CDC42SE2: variants seen among roughly 807,000 people sequenced by gnomAD.
CDC42SE2 encodes the protein CDC42 small effector protein 2.
In CDC42SE2, 3 loss-of-function variants were observed where a neutral mutation model predicts 11.5. The observed-to-expected ratio is 0.26, with a 90% CI of 0.12 to 0.67. The LOEUF is 0.67. CDC42SE2 is among the 30% of genes least tolerant of loss of function. The pLI, the probability that CDC42SE2 is intolerant of heterozygous loss-of-function variation, is 0.80. For missense variants in CDC42SE2, 82 were observed against 106.8 expected (o/e 0.77, Z 1.02); for synonymous variants, 33 against 34.8 (o/e 0.95, Z 0.18).
At chr5:131,235,322 G>T in the CDC42SE2 span, among the ~76,000 whole-genome samples, 1 of 142,850 alleles carries the variant, frequency 7.0e-6, no homozygotes, top group African/African-American at 2.6e-5. Context: ...ATAGAGTCTC[G>T]CTCTGTAGCC....
chr5:131,230,454 A>G, the CDC42SE2 span, among the ~76,000 whole-genome samples: 1 of 152,258 alleles, frequency 6.6e-6, no homozygotes, highest in Non-Finnish European at 1.5e-5. Flanking sequence ...AAGGGGCAAA[A>G]AAGTGAAAAA....
At chr5:131,325,682 G>A (rs1561585266) in intron 2 of CDC42SE2, among the ~76,000 whole-genome samples, 2 of 152,030 alleles carry the variant, frequency 1.3e-5, no homozygotes, top group East Asian at 3.8e-4. Flanking sequence ...TTTTACCCAA[G>A]GAAACTGAGG....
At chr5:131,360,241 C>G (rs1749670032) in intron 3 of CDC42SE2, among the ~76,000 whole-genome samples, 1 of 152,180 alleles carries the variant, frequency 6.6e-6, no homozygotes, top group Admixed American at 6.5e-5. Flanking sequence ...CTGCCTCAGC[C>G]TCTTGAGTAG....
At chr5:131,314,040 G>T (rs2149727537) in intron 1 of CDC42SE2, among the ~76,000 whole-genome samples, 1 of 152,170 alleles carries the variant, frequency 6.6e-6, no homozygotes. Context: ...CTACAAAAAG[G>T]TCAGCTGGGA....
chr5:131,335,398 A>G (rs957099270), intron 2 of CDC42SE2, among the ~76,000 whole-genome samples: 4 of 152,134 alleles, frequency 2.6e-5, no homozygotes, highest in East Asian at 1.9e-4. Context: ...TATGTGGTCA[A>G]TTTTGGAATA....
chr5:131,259,956 AACTC>A (rs1188076814), upstream of CDC42SE2, among the ~76,000 whole-genome samples: 1 of 152,252 alleles, frequency 6.6e-6, no homozygotes, highest in Non-Finnish European at 1.5e-5. Flanking sequence ...ATTGATGTAG[AACTC>A]ATACCATCCC....
chr5:131,370,221 T>G lies in CDC42SE2; in HGVS notation c.54+10674T>G, dbSNP rs1275410380. 3.3e-5 allele frequency among the ~76,000 whole-genome samples: 5 copies of G among 151,934 alleles called. No homozygotes were observed. The East Asian group carries it at 9.6e-4, about 29-fold the overall frequency. ...AAAAATTATTTTATTATTGTTGTTA[T>G]GACAAAAATAATTACCATGTAAAGG... is the stretch of plus-strand genomic sequence containing the variant. On this transcript the variant is annotated intron_variant, in intron 3 of 4. Coordinates refer to ENST00000505065, the MANE Select transcript of CDC42SE2 (RefSeq NM_001375635.1).
rs181047267 is a variant in CDC42SE2 at position 131,353,786 on chromosome 5, A to G, written c.-285-5423A>G. On this transcript the variant is annotated intron_variant, in intron 2 of 4. Coordinates refer to ENST00000505065, the MANE Select transcript of CDC42SE2 (RefSeq NM_001375635.1). ...TAGCTGGGCGTGGTGGTGGGCGCCT[A>G]TAGTCACAGCATGTACTCAGGAGGC... Among the ~76,000 whole-genome samples the G allele has an allele frequency of 4.0e-4, 61 of 151,994 alleles. 1 individual carries two copies. The East Asian group carries it at 4.9e-3, about 12-fold the overall frequency.
chr5:131,320,833 T>A (rs561089443), intron 2 of CDC42SE2, among the ~76,000 whole-genome samples: 63 of 152,310 alleles, frequency 4.1e-4, no homozygotes, highest in Non-Finnish European at 7.8e-4. Context: ...CCCAAATTCA[T>A]ATGGAAATTT....
At chr5:131,276,686 T>C (rs1757108453) in intron 1 of CDC42SE2, among the ~76,000 whole-genome samples, 1 of 152,048 alleles carries the variant, frequency 6.6e-6, no homozygotes, top group Non-Finnish European at 1.5e-5. Flanking sequence ...TTTTGTAATA[T>C]GCAGATACAA....
chr5:131,325,326 A>G (rs1758273442), intron 2 of CDC42SE2, among the ~76,000 whole-genome samples: 1 of 152,130 alleles, frequency 6.6e-6, no homozygotes, highest in Non-Finnish European at 1.5e-5. Flanking sequence ...ATCAACATTG[A>G]ATATTTGAAT....
chr5:131,214,739 T>A, the CDC42SE2 span, among the ~76,000 whole-genome samples: 1 of 152,130 alleles, frequency 6.6e-6, no homozygotes. Context: ...GGGACCAGGC[T>A]TTTGTTCCCT....
At position 131,359,369 on chromosome 5, in the gene CDC42SE2, C is replaced by A; in HGVS notation, c.-125C>A. On this transcript the variant is annotated 5_prime_UTR_variant, in exon 3 of 5. Transcript: ENST00000505065. ...TACTTGACTTCCAGGAACAAAAACACGGTGAAATAATAAAATTTCATCTTG... is the reference window on the plus strand; with the variant it reads ...TACTTGACTTCCAGGAACAAAAACAAGGTGAAATAATAAAATTTCATCTTG... 1 of 782,568 alleles carries A rather than the reference C, an allele frequency of 1.3e-6. No individual in the cohort carries two copies. Among genetic ancestry groups the A allele is most frequent in the Non-Finnish European group, 2.3e-6 (1 of 435,290 alleles). 48.5% of individuals were successfully genotyped at this position (782,568 alleles called of 1,614,324 possible). A position where few individuals can be genotyped will look rare whatever the true frequency, so the allele number is the denominator to read the frequency against.
At chr5:131,310,705 C>T (rs1305084928) in intron 1 of CDC42SE2, among the ~76,000 whole-genome samples, 1 of 152,136 alleles carries the variant, frequency 6.6e-6, no homozygotes, top group Admixed American at 6.5e-5. Context: ...TATGTAATGG[C>T]CTTGTCTCTT....
intron 4 of CDC42SE2, among the ~76,000 whole-genome samples, chr5:131,390,475 A>C (rs946577582): frequency 1.3e-5 from 2 of 152,142 alleles, no homozygotes; most frequent in Non-Finnish European, 2.9e-5. Flanking sequence ...ACTTGAGGTC[A>C]GGAGTTCAAG....
At position 131,391,615 on chromosome 5, in the gene CDC42SE2, T is replaced by G. The variant is rs530371627; in HGVS notation, c.*524T>G. ...TGAACCTGGGAGGCAGGGGTTGCAGTCAGCTGAGAATGCGCCACTGCGCTC... is the reference window on the plus strand; with the variant it reads ...TGAACCTGGGAGGCAGGGGTTGCAGGCAGCTGAGAATGCGCCACTGCGCTC... On this transcript the variant is annotated 3_prime_UTR_variant, in exon 5 of 5. Coordinates refer to ENST00000505065, the MANE Select transcript of CDC42SE2 (RefSeq NM_001375635.1). 1 of 152,502 alleles carries G rather than the reference T, an allele frequency of 6.6e-6. No individual in the cohort carries two copies. The highest frequency in any genetic ancestry group is 6.5e-5 in the Admixed American group (1 of 15,296). 9.4% of individuals were successfully genotyped at this position (152,502 alleles called of 1,614,324 possible).
At position 131,391,166 on chromosome 5, in the gene CDC42SE2, AGTAAATATAT is replaced by A. The variant is rs1183622834; in HGVS notation, c.*79_*88del. On this transcript the variant is annotated 3_prime_UTR_variant, in exon 5 of 5. Coordinates refer to ENST00000505065, the MANE Select transcript of CDC42SE2 (RefSeq NM_001375635.1). The stretch of plus-strand genomic sequence containing the variant: ...GGCCAGACATGGCCAGGCCAATAAT[AGTAAATATAT>A]GTATATATATATAATTTTTTAATGG... 2 of 830,644 alleles carry A rather than the reference AGTAAATATAT, an allele frequency of 2.4e-6. No homozygotes were observed. Among genetic ancestry groups the A allele is most frequent in the Non-Finnish European group, 3.7e-6 (2 of 533,522 alleles). 51.5% of individuals were successfully genotyped at this position (830,644 alleles called of 1,614,324 possible).
In CDC42SE2 at chr5:131,392,188, C is replaced by G. The variant is rs747289513; in HGVS notation, c.*1097C>G. ...AAACATTTTTCTTTTCACTGCCGAC[C>G]CCCTGCCTTACGATTTTATTGGAAA... On this transcript the variant is annotated 3_prime_UTR_variant, in exon 5 of 5. Transcript: ENST00000505065. 6 of 152,536 alleles carry G rather than the reference C, an allele frequency of 3.9e-5. No homozygotes were observed. The highest frequency in any genetic ancestry group is 7.4e-5 in the Non-Finnish European group (5 of 68,000). 9.4% of individuals were successfully genotyped at this position (152,536 alleles called of 1,614,324 possible).
At chr5:131,309,259 C>T (rs564634957) in intron 1 of CDC42SE2, among the ~76,000 whole-genome samples, 5,194 of 150,418 alleles carry the variant, frequency 0.035, 297 homozygotes, top group African/African-American at 0.12. Context: ...TATTGATTTG[C>T]GTATATTGAA....
Sources: gnomAD v4.1 joint callset for allele counts (sites outside exome capture counted in the v4.1 genomes callset) on GRCh38, gnomAD v4.1.1 for gene constraint, MANE v1.5 for transcripts, NCBI Gene and HGNC (gene_info 2026-07-23, HGNC 2026-07-21) for gene names.